The following CNBD2 variants were observed in gnomAD, a reference collection of about 807,000 sequenced individuals.
The protein encoded by CNBD2 is cyclic nucleotide binding domain containing 2, also known as cyclic nucleotide-binding domain-containing protein 2.
In CNBD2, 64 loss-of-function variants were observed where a neutral mutation model predicts 63.7. The ratio of observed to expected loss-of-function variants is 1.00; its 90% CI spans 0.82 to 1.24. The LOEUF (loss-of-function observed/expected upper bound fraction) is 1.24, where lower values mean the gene tolerates loss of function less well. CNBD2 is among the 50% of genes most tolerant of loss of function. The pLI is 0.00. For synonymous variants in CNBD2, 229 were observed against 255.4 expected (o/e 0.90, Z 0.99); for missense variants, 691 against 713.5 (o/e 0.97, Z 0.36).
chr20:35,961,093 T>C (rs2056305932), intron 2 of CNBD2, among the ~76,000 whole-genome samples: 1 of 151,746 alleles, frequency 6.6e-6, no homozygotes, highest in South Asian at 2.1e-4. Context: ...CCACACCCGG[T>C]TAATTTTTTG....
At chr20:35,998,040 CTTTTTT>C (rs1046661526) in intron 8 of CNBD2, among the ~76,000 whole-genome samples, 3 of 127,122 alleles carry the variant, frequency 2.4e-5, no homozygotes, top group East Asian at 4.3e-4. Context: ...TTTTCTTTTT[CTTTTTT>C]TTTTTTTTTT....
chr20:35,957,644 A>G (rs1568835942), downstream of CNBD2: 1 of 152,356 alleles, frequency 6.6e-6, no homozygotes, highest in East Asian at 1.9e-4. Flanking sequence ...TAATTTACAT[A>G]TATCCTTGAA....
chr20:35,989,916 G>A (rs1568881508), intron 7 of CNBD2, among the ~76,000 whole-genome samples: 1 of 150,754 alleles, frequency 6.6e-6, no homozygotes, highest in Non-Finnish European at 1.5e-5. Context: ...GGAGGGGGAA[G>A]AAAGGAAGGA....
At position 35,975,965 on chromosome 20, in the gene CNBD2, G is replaced by T. The variant is rs138922540; in HGVS notation, c.206G>T (p.Arg69Leu). Residue 69 changes from arginine to leucine, a missense_variant, in exon 3 of 12, where the codon CGA becomes CTA. Physicochemically the swap from Arg to Leu is moderately radical, Grantham distance 102. Transcript: ENST00000373973. ...TTCTTTCAGAAAAAGATGCAAAGCC[G>T]AGTCACATTTGATACCATGGACTTC... ...FSFWDKKMQS[R>L]VTFDTMDFIA... The T allele has an allele frequency of 4.4e-5, 71 of 1,612,996 alleles. No individual in the cohort carries two copies. The highest frequency in any genetic ancestry group is 2.0e-5 in the Non-Finnish European group (23 of 1,179,240).
chr20:35,955,128 G>C (rs943901619), exon 1 of CNBD2: 1 of 169,550 alleles, frequency 5.9e-6, no homozygotes, highest in Non-Finnish European at 1.4e-5. Context: ...TTTAATAAGT[G>C]AACTCTAAAT....
chr20:36,017,535 T>G (rs1020451904), intron 10 of CNBD2, among the ~76,000 whole-genome samples: 5 of 152,068 alleles, frequency 3.3e-5, no homozygotes, highest in Admixed American at 2.0e-4. Context: ...TCTTAGAAAT[T>G]TCTTCCTTTT....
intron 2 of CNBD2, among the ~76,000 whole-genome samples, chr20:35,961,444 T>C (rs1023208018): frequency 1.3e-5 from 2 of 152,216 alleles, no homozygotes; most frequent in Non-Finnish European, 2.9e-5. Flanking sequence ...ATTACATCTT[T>C]GCTTTGATCT....
chr20:36,012,624 G>A (rs777955019), intron 10 of CNBD2, among the ~76,000 whole-genome samples: 4 of 151,716 alleles, frequency 2.6e-5, no homozygotes, highest in African/African-American at 4.8e-5. Flanking sequence ...TTGGGAGTTC[G>A]AGACCAGCCT....
intron 1 of CNBD2, among the ~76,000 whole-genome samples, chr20:35,970,841 G>A (rs1297195136): frequency 6.6e-6 from 1 of 150,888 alleles, no homozygotes; most frequent in African/African-American, 2.4e-5. Flanking sequence ...TCGGCCTCCC[G>A]AGTAGCTGGG....
At chr20:35,958,152 G>T (rs1327209881), downstream of CNBD2, among the ~76,000 whole-genome samples, 4 of 152,170 alleles carry the variant, frequency 2.6e-5, no homozygotes, top group Admixed American at 1.3e-4. Flanking sequence ...CTTTTCATTG[G>T]CCAAGCATGG....
At chr20:36,016,920 A>G (rs1490427943) in intron 10 of CNBD2, among the ~76,000 whole-genome samples, 1 of 137,106 alleles carries the variant, frequency 7.3e-6, no homozygotes, top group Non-Finnish European at 1.6e-5. Flanking sequence ...TTAGCTGGGC[A>G]TGGTGACATT....
intron 8 of CNBD2, among the ~76,000 whole-genome samples, chr20:36,002,045 C>T (rs530506888): frequency 4.6e-5 from 7 of 152,282 alleles, no homozygotes; most frequent in Admixed American, 3.9e-4. Context: ...CCAAGGCAGG[C>T]GGCTGGGTGG....
intron 7 of CNBD2, among the ~76,000 whole-genome samples, chr20:35,988,431 A>G (rs2056699064): frequency 6.6e-6 from 1 of 152,156 alleles, no homozygotes; most frequent in African/African-American, 2.4e-5. Flanking sequence ...TCAGCCTCCC[A>G]AAGTGCTGGG....
rs149193830 is a variant in CNBD2 at position 35,987,490 on chromosome 20, C to G, written c.812C>G (p.Ser271Ter). The change falls in exon 7 of 12, where the codon TCA becomes TGA. Residue 271 changes from serine to a stop codon, truncating the protein, a stop_gained. Transcript: ENST00000373973. LOFTEE classifies it high-confidence loss of function. ...AGGTTCTCGTATGGGCAGCTGATCT[C>G]AAAAGATTTTGGAGAGTCACCCTTC... ...IERFSYGQLISKDFGESPFIM... is the reference protein window; with the variant it reads ...IERFSYGQLI The G allele has an allele frequency of 3.1e-6, 5 of 1,614,044 alleles. No individual in the cohort carries two copies. The African/African-American group carries it at 6.7e-5, about 22-fold the overall frequency.
upstream of CNBD2, chr20:35,954,547 C>T (rs1472067595): frequency 8.0e-6 from 12 of 1,499,092 alleles, no homozygotes; most frequent in South Asian, 1.2e-5. Context: ...TGCGGGCTCC[C>T]GGAAGCGGCG....
rs201296527 is a variant in CNBD2, at chr20:35,984,746, G to T, written c.684G>T (p.Gln228His). Residue 228 changes from glutamine to histidine, a missense_variant, in exon 6 of 12, where the codon CAG becomes CAT. Transcript: ENST00000373973. The stretch of plus-strand genomic sequence containing the variant: ...CTAATAAGCTGGACCAGGAAGTTCA[G>T]AAGGATGCTCAGTATCGGTTTGAAT... ...FFANKLDQEVQKDAQYRFEFF... is the reference protein window; with the variant it reads ...FFANKLDQEVHKDAQYRFEFF... The T allele has an allele frequency of 1.5e-4, 240 of 1,614,122 alleles. No homozygotes were observed. Among genetic ancestry groups the T allele is most frequent in the Non-Finnish European group, 1.9e-4 (220 of 1,180,046 alleles).
chr20:36,016,616 C>T (rs1275250428), intron 10 of CNBD2, among the ~76,000 whole-genome samples: 1 of 151,894 alleles, frequency 6.6e-6, no homozygotes, highest in African/African-American at 2.4e-5. Flanking sequence ...ATGGTGAAAC[C>T]CTGTCTCTAC....
At chr20:36,020,886 T>A (rs2057198586) in intron 10 of CNBD2, among the ~76,000 whole-genome samples, 1 of 152,096 alleles carries the variant, frequency 6.6e-6, no homozygotes, top group African/African-American at 2.4e-5. Flanking sequence ...AAAGGTGGCA[T>A]AGCTCCACCC....
Position 35,987,384 on chromosome 20 carries a change from T to C in CNBD2, c.717-11T>C. 1 of 1,614,028 alleles carries C rather than the reference T, an allele frequency of 6.2e-7. No individual in the cohort carries two copies. Among genetic ancestry groups the C allele is most frequent in the African/African-American group, 1.3e-5 (1 of 75,032 alleles). On this transcript the variant is annotated splice_polypyrimidine_tract_variant and intron_variant, in intron 6 of 11. Transcript: ENST00000373973. The stretch of plus-strand genomic sequence containing the variant: ...ATGGAGTTGATGAATTCTAACAGGC[T>C]CTTCCCACAGGAAGATGGAGCTGTT...
Sources: allele counts gnomAD v4.1 joint callset (sites outside exome capture counted in the v4.1 genomes callset), GRCh38; gene constraint gnomAD v4.1.1; transcripts MANE v1.5; gene names NCBI Gene and HGNC (gene_info 2026-07-23, HGNC 2026-07-21).